FTO: variants seen among roughly 807,000 people sequenced by gnomAD.
The protein encoded by FTO is FTO alpha-ketoglutarate dependent dioxygenase, also known as alpha-ketoglutarate-dependent dioxygenase FTO.
Under a neutral mutation model 63.9 loss-of-function variants are expected in FTO, and 47 were observed. That is an observed-to-expected ratio of 0.74 (90% CI 0.58 to 0.94). FTO has a LOEUF of 0.94. FTO is among the 40% of genes least tolerant of loss of function. FTO has a pLI of 0.00. For missense variants in FTO, 562 were observed against 618.1 expected (o/e 0.91, Z 0.96); for synonymous variants, 207 against 224.4 (o/e 0.92, Z 0.69).
chr16:53,845,558 A>T (rs55986455), intron 4 of FTO, among the ~76,000 whole-genome samples: 1 of 152,036 alleles, frequency 6.6e-6, no homozygotes, highest in Non-Finnish European at 1.5e-5. Flanking sequence ...TTAATCTTTC[A>T]CTGAATTGAA....
At chr16:53,913,446 C>T (rs2081766915) in intron 7 of FTO, among the ~76,000 whole-genome samples, 1 of 152,188 alleles carries the variant, frequency 6.6e-6, no homozygotes. Flanking sequence ...AAACTGTTCC[C>T]ACTAGAAATG....
intron 8 of FTO, among the ~76,000 whole-genome samples, chr16:54,098,932 C>T (rs989900659): frequency 1.3e-5 from 2 of 152,148 alleles, no homozygotes; most frequent in Non-Finnish European, 2.9e-5. Flanking sequence ...AAATCACAGC[C>T]ACCTTGGATT....
intron 8 of FTO, chr16:53,990,973 G>C (rs2083797194): frequency 6.6e-6 from 1 of 152,138 alleles, no homozygotes; most frequent in Non-Finnish European, 1.5e-5. Context: ...TAATGACTGA[G>C]TATAGGTTTT....
intron 3 of FTO, among the ~76,000 whole-genome samples, chr16:53,830,387 A>G (rs1051576290): frequency 2.0e-5 from 3 of 152,170 alleles, no homozygotes; most frequent in Non-Finnish European, 4.4e-5. Flanking sequence ...TTAAAAACCC[A>G]ATGTTTAATA....
At chr16:53,962,511 G>A (rs758833535) in intron 8 of FTO, among the ~76,000 whole-genome samples, 12 of 152,150 alleles carry the variant, frequency 7.9e-5, no homozygotes, top group Admixed American at 2.0e-4. Flanking sequence ...AGGCCTGAAC[G>A]TCGAAGTACT....
chr16:53,732,547 T>TAG (rs1945981911), intron 1 of FTO, among the ~76,000 whole-genome samples: 1 of 152,166 alleles, frequency 6.6e-6, no homozygotes, highest in Non-Finnish European at 1.5e-5. Context: ...TTAGGCAAAG[T>TAG]AGAGGTTAAG....
chr16:53,855,775 C>T (rs1567365265), intron 4 of FTO, among the ~76,000 whole-genome samples: 1 of 152,044 alleles, frequency 6.6e-6, no homozygotes, highest in East Asian at 1.9e-4. Flanking sequence ...TCTAACTAAC[C>T]ACGTGACATC....
At chr16:53,705,889 G>A (rs1006945829) in intron 1 of FTO, among the ~76,000 whole-genome samples, 4 of 152,180 alleles carry the variant, frequency 2.6e-5, no homozygotes, top group African/African-American at 9.7e-5. Flanking sequence ...GGCTGAAATA[G>A]AATCACTGCA....
In FTO at chr16:53,815,636, G is replaced by GTTTTTCTTGT. The variant is rs1456280699; in HGVS notation, c.123+5424_123+5425insCTTGTTTTTT. On this transcript the variant is annotated intron_variant, in intron 2 of 8. Coordinates refer to ENST00000471389, the MANE Select transcript of FTO (RefSeq NM_001080432.3). ...ACCCTATAAGGCCATTGACTTTCTT[G>GTTTTTCTTGT]TTTTTTTTTTTTTTTTTTTTTTTTT... 2.9e-4 allele frequency among the ~76,000 whole-genome samples: 28 copies of GTTTTTCTTGT among 98,164 alleles called. 2 individuals carry two copies. The highest frequency in any genetic ancestry group is 1.5e-3 in the African/African-American group (27 of 18,548). The allele number at this position is 98,164 out of a possible 152,430, so 64.4% of individuals were successfully genotyped here. A position where few individuals can be genotyped will look rare whatever the true frequency, so the allele number is the denominator to read the frequency against.
intron 8 of FTO, among the ~76,000 whole-genome samples, chr16:54,104,465 A>G (rs1317326324): frequency 1.3e-5 from 2 of 151,866 alleles, no homozygotes; most frequent in African/African-American, 4.8e-5. Flanking sequence ...GGCGTGCACC[A>G]CCACACCTGG....
chr16:53,866,676 A>C (rs2080326522), intron 4 of FTO, among the ~76,000 whole-genome samples: 1 of 152,048 alleles, frequency 6.6e-6, no homozygotes, highest in Admixed American at 6.6e-5. Context: ...ACATCATTTT[A>C]AAATTATCCT....
chr16:53,909,297 A>C (rs1276860710), intron 7 of FTO, among the ~76,000 whole-genome samples: 3 of 152,196 alleles, frequency 2.0e-5, no homozygotes, highest in African/African-American at 7.2e-5. Context: ...TGTGCTGCTC[A>C]CATGTGTGTT....
At chr16:53,875,689 G>A (rs2080628601) in intron 5 of FTO, among the ~76,000 whole-genome samples, 1 of 152,166 alleles carries the variant, frequency 6.6e-6, no homozygotes, top group African/African-American at 2.4e-5. Flanking sequence ...CTATTCAGAA[G>A]GGATTTCAGT....
Position 53,896,978 on chromosome 16 carries a change from C to A in FTO, c.1239+8027C>A, listed in dbSNP as rs7500562. 4.6e-5 allele frequency among the ~76,000 whole-genome samples: 7 copies of A among 151,942 alleles called. No individual in the cohort carries two copies. The East Asian group carries it at 1.2e-3, about 25-fold the overall frequency. On this transcript the variant is annotated intron_variant, in intron 7 of 8. Transcript: ENST00000471389. Reference sequence around the variant, plus strand: ...GCCAAAAAATGACTTACAGAGAGCCCCGGGAACACATTAAGTTGGCCCTTC... The same window carrying A: ...GCCAAAAAATGACTTACAGAGAGCCACGGGAACACATTAAGTTGGCCCTTC...
intron 7 of FTO, among the ~76,000 whole-genome samples, chr16:53,919,613 G>A (rs989734441): frequency 6.6e-6 from 1 of 152,114 alleles, no homozygotes; most frequent in Non-Finnish European, 1.5e-5. Flanking sequence ...AGAAATTGTG[G>A]TATATGTATA....
chr16:54,091,501 C>CT (rs1341977611), intron 8 of FTO, among the ~76,000 whole-genome samples: 2 of 152,304 alleles, frequency 1.3e-5, no homozygotes, highest in East Asian at 3.9e-4. Context: ...GATCACACCA[C>CT]TGTGCACTCC....
intron 8 of FTO, among the ~76,000 whole-genome samples, chr16:54,073,230 AC>A (rs1191519298): frequency 6.6e-6 from 1 of 152,162 alleles, no homozygotes; most frequent in East Asian, 1.9e-4. Flanking sequence ...GGGATGGGAC[AC>A]CTTTCTTCCC....
At chr16:53,722,245 T>A (rs1325532581) in intron 1 of FTO, among the ~76,000 whole-genome samples, 1 of 152,208 alleles carries the variant, frequency 6.6e-6, no homozygotes, top group Non-Finnish European at 1.5e-5. Flanking sequence ...TATTAAATTT[T>A]ACATTTTGAG....
intron 1 of FTO, among the ~76,000 whole-genome samples, chr16:53,761,379 G>A (rs568967344): frequency 1.5e-4 from 23 of 152,190 alleles, no homozygotes; most frequent in African/African-American, 5.3e-4. Flanking sequence ...TGGGATTGCA[G>A]GTGTGAACCA....
Sources: allele counts gnomAD v4.1 joint callset (sites outside exome capture counted in the v4.1 genomes callset), GRCh38; gene constraint gnomAD v4.1.1; transcripts MANE v1.5; gene names NCBI Gene and HGNC (gene_info 2026-07-23, HGNC 2026-07-21).